The following TCF7L2 variants were observed in gnomAD, a reference collection of about 807,000 sequenced individuals.
TCF7L2 encodes the protein transcription factor 7-like 2.
TCF7L2 carries 23 observed loss-of-function variants against 77.9 expected under a neutral mutation model. That is an observed-to-expected ratio of 0.30 (90% CI 0.21 to 0.42). The LOEUF is 0.42. Ranked by LOEUF, TCF7L2 falls within the 10% of genes least tolerant of loss-of-function variation. The pLI is 1.00. For synonymous variants in TCF7L2, 413 were observed against 340.2 expected (o/e 1.21, Z -2.36); for missense variants, 654 against 793.1 (o/e 0.82, Z 2.11).
intron 3 of TCF7L2, among the ~76,000 whole-genome samples, chr10:112,963,100 A>G (rs1336640076): frequency 6.6e-6 from 1 of 152,154 alleles, no homozygotes; most frequent in Non-Finnish European, 1.5e-5. Context: ...ATATCTATAT[A>G]TAAATATATA....
Position 113,037,595 on chromosome 10 carries a change from T to C in TCF7L2, c.451-2430T>C, listed in dbSNP as rs143646098. 4.4e-3 allele frequency among the ~76,000 whole-genome samples: 673 copies of C among 152,328 alleles called. 10 individuals are homozygous for C. Among genetic ancestry groups the C allele is most frequent in the African/African-American group, 0.015 (642 of 41,574 alleles). On this transcript the variant is annotated intron_variant, in intron 4 of 13. Coordinates refer to ENST00000627217, the MANE Select transcript of TCF7L2 (RefSeq NM_001146274.2). ...GATGTGGCACACAATGAAGCTTTTA[T>C]GTAAAGTAAGAATTATAAGTCTCCA...
At chr10:113,057,936 T>C (rs771073910) in intron 5 of TCF7L2, among the ~76,000 whole-genome samples, 2 of 152,082 alleles carry the variant, frequency 1.3e-5, no homozygotes, top group Non-Finnish European at 2.9e-5. Flanking sequence ...CTGGGGGCTG[T>C]TTGAGATGGA....
At chr10:113,020,644 C>T (rs2048132138) in intron 4 of TCF7L2, among the ~76,000 whole-genome samples, 1 of 152,196 alleles carries the variant, frequency 6.6e-6, no homozygotes, top group Non-Finnish European at 1.5e-5. Context: ...TAATACTTTA[C>T]AGTCTAAGTA....
intron 5 of TCF7L2, among the ~76,000 whole-genome samples, chr10:113,117,209 C>T (rs893288687): frequency 1.3e-5 from 2 of 152,188 alleles, no homozygotes; most frequent in Non-Finnish European, 2.9e-5. Flanking sequence ...CATTCTCTAA[C>T]AGTCTTTCAT....
At chr10:113,058,339 A>G (rs932921529) in intron 5 of TCF7L2, among the ~76,000 whole-genome samples, 3 of 152,120 alleles carry the variant, frequency 2.0e-5, no homozygotes, top group Non-Finnish European at 4.4e-5. Flanking sequence ...CCTTTAGAGT[A>G]GAGATGAAGA....
At chr10:113,025,896 T>C (rs1033771053) in intron 4 of TCF7L2, among the ~76,000 whole-genome samples, 6 of 151,700 alleles carry the variant, frequency 4.0e-5, no homozygotes, top group Non-Finnish European at 8.8e-5. Context: ...TTTTTTTTTT[T>C]AGATAGAGTC....
In TCF7L2 at chr10:113,101,617, C is replaced by T. The variant is rs541143955; in HGVS notation, c.553-39567C>T. Among the ~76,000 whole-genome samples the T allele has an allele frequency of 2.9e-4, 44 of 151,090 alleles. No individual in the cohort carries two copies. The East Asian group carries it at 6.3e-3, about 22-fold the overall frequency. ...CAGCACTTTGGGAGGTTGAGGTGGG[C>T]GGATCACAAGGTCAGGAGATCGAGA... On this transcript the variant is annotated intron_variant, in intron 5 of 13. Coordinates refer to ENST00000627217, the MANE Select transcript of TCF7L2 (RefSeq NM_001146274.2).
chr10:113,012,934 C>G (rs1055299423), intron 4 of TCF7L2, among the ~76,000 whole-genome samples: 1 of 152,108 alleles, frequency 6.6e-6, no homozygotes, highest in Non-Finnish European at 1.5e-5. Context: ...TTACTCTACG[C>G]GTGTTGCTGA....
chr10:113,113,097 A>T (rs1275679949), intron 5 of TCF7L2, among the ~76,000 whole-genome samples: 2 of 151,988 alleles, frequency 1.3e-5, no homozygotes, highest in Non-Finnish European at 2.9e-5. Flanking sequence ...TTAATTAGGG[A>T]CCTCATGAGT....
chr10:113,097,666 A>C (rs1413150673), intron 5 of TCF7L2, among the ~76,000 whole-genome samples: 3 of 147,546 alleles, frequency 2.0e-5, no homozygotes, highest in Non-Finnish European at 4.5e-5. Context: ...AAAAAAAAAA[A>C]AAAAAAAACA....
intron 11 of TCF7L2, among the ~76,000 whole-genome samples, chr10:113,157,271 A>G (rs1410667676): frequency 1.3e-5 from 2 of 152,188 alleles, no homozygotes; most frequent in African/African-American, 2.4e-5. Flanking sequence ...GGCATGCACC[A>G]CCATGCCCGG....
intron 4 of TCF7L2, among the ~76,000 whole-genome samples, chr10:112,985,742 T>G (rs1036232586): frequency 2.0e-5 from 3 of 151,998 alleles, no homozygotes; most frequent in Non-Finnish European, 4.4e-5. Context: ...CCCCTAGAGG[T>G]GAATGCCCCC....
chr10:113,003,949 C>A (rs575029697), intron 4 of TCF7L2, among the ~76,000 whole-genome samples: 1 of 152,324 alleles, frequency 6.6e-6, no homozygotes, highest in South Asian at 2.1e-4. Context: ...CCTGGCGAAA[C>A]ATACACCTTT....
chr10:113,094,348 T>C (rs1012516117), intron 5 of TCF7L2, among the ~76,000 whole-genome samples: 1 of 152,246 alleles, frequency 6.6e-6, no homozygotes, highest in African/African-American at 2.4e-5. Flanking sequence ...TTTTGCTTGT[T>C]AGTCATTTGA....
chr10:112,971,984 G>T (rs936025171), intron 4 of TCF7L2, among the ~76,000 whole-genome samples: 1 of 151,684 alleles, frequency 6.6e-6, no homozygotes, highest in Non-Finnish European at 1.5e-5. Context: ...GCAGTGGTGC[G>T]ATCTCGGCTC....
intron 5 of TCF7L2, among the ~76,000 whole-genome samples, chr10:113,095,305 C>T (rs946157593): frequency 2.0e-5 from 3 of 152,116 alleles, no homozygotes; most frequent in African/African-American, 4.8e-5. Flanking sequence ...GTGAGTGGGC[C>T]GGCAAATTCA....
intron 5 of TCF7L2, among the ~76,000 whole-genome samples, chr10:113,047,669 C>T (rs140247444): frequency 6.6e-6 from 1 of 152,070 alleles, no homozygotes; most frequent in African/African-American, 2.4e-5. Flanking sequence ...GTTTTCATGG[C>T]ATATTATTGG....
At chr10:113,043,814 A>G (rs1380929171) in intron 5 of TCF7L2, among the ~76,000 whole-genome samples, 3 of 152,026 alleles carry the variant, frequency 2.0e-5, no homozygotes, top group Non-Finnish European at 4.4e-5. Flanking sequence ...CAAGCAGCTA[A>G]GTTGTGCTGA....
chr10:113,117,809 C>A (rs1430687785), intron 5 of TCF7L2, among the ~76,000 whole-genome samples: 1 of 152,104 alleles, frequency 6.6e-6, no homozygotes, highest in East Asian at 1.9e-4. Context: ...AATCAATGGG[C>A]CGCAGGAATG....
Sources: allele counts gnomAD v4.1 joint callset (sites outside exome capture counted in the v4.1 genomes callset), GRCh38; gene constraint gnomAD v4.1.1; transcripts MANE v1.5; gene names NCBI Gene and HGNC (gene_info 2026-07-23, HGNC 2026-07-21).